Variants in COL20A1 observed in about 807,000 individuals in gnomAD.
The protein encoded by COL20A1 is collagen type XX alpha 1 chain.
A neutral mutation model predicts 152.9 loss-of-function variants in COL20A1; 164 were observed. The ratio of observed to expected loss-of-function variants is 1.07; its 90% confidence interval spans 0.94 to 1.22. The LOEUF is 1.22. Among genes scored for constraint, COL20A1 ranks in the 50% most tolerant of loss-of-function variants. The pLI, the probability that COL20A1 is intolerant of heterozygous loss-of-function variation, is 0.00. For synonymous variants in COL20A1, 864 were observed against 756.0 expected (o/e 1.14, Z -2.34); for missense variants, 1,873 against 1,744.8 (o/e 1.07, Z -1.31).
At chr20:63,326,648 C>T in intron 30 of COL20A1, 104 bp from the exon 31 acceptor site, 1 of 720,634 alleles carries the variant, frequency 1.4e-6, no homozygotes, top group Non-Finnish European at 2.1e-6. Flanking sequence ...CATCCACCGC[C>T]CTTGTCAGGT....
rs1255266659 is a variant in COL20A1, at chr20:63,327,807, C to G, written c.3529-145C>G. The G allele has an allele frequency of 1.0e-5, 8 of 799,714 alleles. No individual in the cohort carries two copies. In the South Asian group the frequency reaches 1.2e-4, roughly 12 times the overall value. The allele number at this position is 799,714 out of a possible 1,614,324, so 49.5% of individuals were successfully genotyped here. A position where few individuals can be genotyped will look rare whatever the true frequency, so the allele number is the denominator to read the frequency against. Reference sequence around the variant, plus strand: ...GGCGAGGACCACAGGCTCCTAGGATCTGGGAATTTGGGATGGGGCTTTCAC... The same window carrying G: ...GGCGAGGACCACAGGCTCCTAGGATGTGGGAATTTGGGATGGGGCTTTCAC... On this transcript the variant is annotated intron_variant, in intron 31 of 35. Coordinates refer to ENST00000358894, the MANE Select transcript of COL20A1 (RefSeq NM_020882.4).
In COL20A1 at chr20:63,326,742, GTC is replaced by G; in HGVS notation, c.3457-8_3457-7del. The G allele has an allele frequency of 6.9e-7, 1 of 1,445,896 alleles. No individual in the cohort carries two copies. Among genetic ancestry groups the G allele is most frequent in the Non-Finnish European group, 9.1e-7 (1 of 1,102,786 alleles). The allele number at this position is 1,445,896 out of a possible 1,614,324, so 89.6% of individuals were successfully genotyped here. On this transcript the variant is annotated splice_polypyrimidine_tract_variant and splice_region_variant and intron_variant, in intron 30 of 35. Transcript: ENST00000358894. Reference sequence around the variant, plus strand: ...GCCCAAGCCAAACCCTGACTTCTGTGTCTATGCAGGGGTTCCAGGGCATGGCA... The same window carrying G: ...GCCCAAGCCAAACCCTGACTTCTGTGTATGCAGGGGTTCCAGGGCATGGCA...
chr20:63,321,203 C>G, intron 26 of COL20A1, 104 bp downstream of exon 26: 1 of 690,502 alleles, frequency 1.4e-6, no homozygotes, highest in East Asian at 2.7e-5. Context: ...GGTCCATGCC[C>G]CCGTCCTGCC....
At chr20:63,299,935 G>T (rs569198099) in intron 3 of COL20A1, among the ~76,000 whole-genome samples, 1 of 151,312 alleles carries the variant, frequency 6.6e-6, no homozygotes, top group Non-Finnish European at 1.5e-5. Context: ...AAGAGACAGG[G>T]TCTCACTCTG....
intron 27 of COL20A1, 99 bp from the exon 28 acceptor site, chr20:63,325,342 G>A: frequency 1.1e-6 from 1 of 919,952 alleles, no homozygotes; most frequent in Non-Finnish European, 1.8e-6. Flanking sequence ...GGGACCCAGG[G>A]CCGTGCAGTC....
Position 63,313,621 on chromosome 20 carries a change from TGGCATGATGTGGTGGA to T in COL20A1, c.2210-116_2210-101del. ...GGTGATGCGGGCTGTGGTAGGGGTG[TGGCATGATGTGGTGGA>T]GGCATTACGCAGAGCAGGGTAGGGG... On this transcript the variant is annotated intron_variant, in intron 17 of 35. Transcript: ENST00000358894. The surrounding 1 kb of genome is among the most constrained non-coding windows in gnomAD (Gnocchi z 5.9). 1 of 936,328 alleles carries T rather than the reference TGGCATGATGTGGTGGA, an allele frequency of 1.1e-6. No individual in the cohort carries two copies. Among genetic ancestry groups the T allele is most frequent in the Non-Finnish European group, 1.6e-6 (1 of 644,034 alleles). 58.0% of individuals were successfully genotyped at this position (936,328 alleles called of 1,614,324 possible).
chr20:63,328,931 T>C (rs1355004342), intron 34 of COL20A1, among the ~76,000 whole-genome samples: 1 of 151,876 alleles, frequency 6.6e-6, no homozygotes, highest in African/African-American at 2.4e-5. Context: ...CGTGACCTTG[T>C]TGGTGCTCCT....
intron 28 of COL20A1, 45 bp from the exon 29 acceptor site, chr20:63,325,622 AT>A: frequency 6.3e-7 from 1 of 1,587,446 alleles, no homozygotes; most frequent in South Asian, 1.1e-5. Flanking sequence ...CCACCTCTGG[AT>A]GTGACCCTGG....
chr20:63,307,231 G>C (rs773315520), intron 5 of COL20A1, among the ~76,000 whole-genome samples: 3 of 152,234 alleles, frequency 2.0e-5, no homozygotes, highest in Non-Finnish European at 4.4e-5. Flanking sequence ...CCTGATGTCT[G>C]GGCGGGCAGC....
rs1432947548 is a variant in COL20A1, at chr20:63,305,459, A to G, written c.236A>G (p.Lys79Arg). ...GTGATACTGACCACCAAGACCCCTA[A>G]GGCCACAGTGGGGGGCCTGAGCCCC... is the stretch of plus-strand genomic sequence containing the variant. ...QEVILTTKTP[K>R]ATVGGLSPSK... Residue 79 changes from lysine (K) to arginine (R), a missense_variant, in exon 4 of 36, where the codon AAG (lysine) becomes AGG (arginine). Coordinates refer to ENST00000358894, the MANE Select transcript of COL20A1 (RefSeq NM_020882.4). This position sits in a 1 kb window ranked among gnomAD's most constrained non-coding sequence, Gnocchi z 4.9. The G allele has an allele frequency of 6.2e-7, 1 of 1,601,028 alleles. No individual in the cohort carries two copies. Among genetic ancestry groups the G allele is most frequent in the South Asian group, 1.1e-5 (1 of 89,036 alleles).
chr20:63,316,958 T>C (rs933211346), intron 21 of COL20A1, among the ~76,000 whole-genome samples: 4 of 152,240 alleles, frequency 2.6e-5, no homozygotes, highest in Non-Finnish European at 5.9e-5. Flanking sequence ...ATTTCCCATG[T>C]GAGCTGAGGG....
In COL20A1 at chr20:63,313,014, C is replaced by T; in HGVS notation, c.2076+80C>T. 5 of 1,537,228 alleles carry T rather than the reference C, an allele frequency of 3.3e-6. No homozygotes were observed. Among genetic ancestry groups the T allele is most frequent in the African/African-American group, 1.4e-5 (1 of 72,902 alleles). ...GAAGCCAAAGTCTAGGGCTCAGAGC[C>T]ATATGTGCGCCCACCCTGTCTCCCA... On this transcript the variant is annotated intron_variant, in intron 16 of 35. Transcript: ENST00000358894. This position sits in a 1 kb window ranked among gnomAD's most constrained non-coding sequence, Gnocchi z 5.9.
Position 63,307,578 on chromosome 20 carries a change from C to T in COL20A1, c.585C>T (p.Phe195=), listed in dbSNP as rs913891798. 5 of 1,612,692 alleles carry T rather than the reference C, an allele frequency of 3.1e-6. No individual in the cohort carries two copies. Among genetic ancestry groups the T allele is most frequent in the Admixed American group, 1.7e-5 (1 of 60,010 alleles). The change falls in exon 6 of 36, where the codon TTC becomes TTT. Residue 195 remains phenylalanine, a synonymous_variant. Coordinates refer to ENST00000358894, the MANE Select transcript of COL20A1 (RefSeq NM_020882.4). ...DGSWSIGHSH[F]QQVKDFLASV... ...CCTGGAGCATTGGCCACAGTCACTTCCAGCAGGTCAAGGACTTCCTGGCCA... is the reference window on the plus strand; with the variant it reads ...CCTGGAGCATTGGCCACAGTCACTTTCAGCAGGTCAAGGACTTCCTGGCCA...
At chr20:63,323,205 C>T (rs4809289) in intron 27 of COL20A1, among the ~76,000 whole-genome samples, 143,883 of 152,326 alleles carry the variant, frequency 0.94, 68,472 homozygotes, top group East Asian at 1. Flanking sequence ...TCTTCTCCAC[C>T]GTTCTTTTTT....
At chr20:63,316,818 C>A in intron 21 of COL20A1, 127 bp downstream of exon 21, 1 of 873,048 alleles carries the variant, frequency 1.1e-6, no homozygotes, top group Non-Finnish European at 1.6e-6. Flanking sequence ...GGCAGCGCTG[C>A]TATGTCAGCA....
rs192261979 is a variant in COL20A1, at chr20:63,311,146, C to G, written c.1394-248C>G. Among the ~76,000 whole-genome samples, 512 of 152,300 alleles carry G rather than the reference C, an allele frequency of 3.4e-3. 5 individuals carry two copies. The highest frequency in any genetic ancestry group is 0.027 in the Middle Eastern group (8 of 294). Reference sequence around the variant, plus strand: ...GTGTTTCCCAAAGCCCTTTTCACCCCCCGGAGGCCACATTCCTCCCATGAC... The same window carrying G: ...GTGTTTCCCAAAGCCCTTTTCACCCGCCGGAGGCCACATTCCTCCCATGAC... On this transcript the variant is annotated intron_variant, in intron 11 of 35. Coordinates refer to ENST00000358894, the MANE Select transcript of COL20A1 (RefSeq NM_020882.4). The surrounding 1 kb of genome is among the most constrained non-coding windows in gnomAD (Gnocchi z 4.4).
intron 1 of COL20A1, among the ~76,000 whole-genome samples, chr20:63,294,209 G>T (rs1388173914): frequency 7.3e-6 from 1 of 136,672 alleles, no homozygotes; most frequent in African/African-American, 2.8e-5. Flanking sequence ...GGGTGCAGGG[G>T]ACTGGGGGTG....
Position 63,306,592 on chromosome 20 carries a change from C to T in COL20A1, c.496+553C>T, listed in dbSNP as rs573318462. Among the ~76,000 whole-genome samples, 5 of 150,798 alleles carry T rather than the reference C, an allele frequency of 3.3e-5. No homozygotes were observed. The highest frequency in any genetic ancestry group is 4.1e-4 in the South Asian group (2 of 4,828). On this transcript the variant is annotated intron_variant, in intron 5 of 35. Transcript: ENST00000358894. The surrounding 1 kb of genome is among the most constrained non-coding windows in gnomAD (Gnocchi z 6.9). ...CCCTGGAGGGAGGGCCCTGCCCAGCCGGCCCCAGGCGTGGAGAGGTAGAGC... is the reference window on the plus strand; with the variant it reads ...CCCTGGAGGGAGGGCCCTGCCCAGCTGGCCCCAGGCGTGGAGAGGTAGAGC...
rs200320542 is a variant in COL20A1, at chr20:63,319,182, C to T, written c.2788C>T (p.Leu930Phe). 18 of 1,612,692 alleles carry T rather than the reference C, an allele frequency of 1.1e-5. No individual in the cohort carries two copies. The highest frequency in any genetic ancestry group is 1.7e-6 in the Non-Finnish European group (2 of 1,179,698). ...GACAGCCGAGGACTTCCAGCCCCTCCTTGGGGTTCTGCTGGATGGTGACGT... is the reference window on the plus strand; with the variant it reads ...GACAGCCGAGGACTTCCAGCCCCTCTTTGGGGTTCTGCTGGATGGTGACGT... ...QMTAEDFQPLLGVLLDAGKKS... is the reference protein window; with the variant it reads ...QMTAEDFQPLFGVLLDAGKKS... Residue 930 changes from leucine (L) to phenylalanine (F), a missense_variant, in exon 22 of 36, where the codon CTT (leucine) becomes TTT (phenylalanine). Transcript: ENST00000358894. The surrounding 1 kb of genome is among the most constrained non-coding windows in gnomAD (Gnocchi z 4.4).
Sources: gnomAD v4.1 joint callset for allele counts (sites outside exome capture counted in the v4.1 genomes callset) on GRCh38, gnomAD v4.1.1 for gene constraint, Gnocchi (gnomAD v3.1) non-coding constraint, MANE v1.5 for transcripts, NCBI Gene and HGNC (gene_info 2026-07-23, HGNC 2026-07-21) for gene names.